Variants in ACTL6A observed in about 807,000 individuals in gnomAD.
The protein encoded by ACTL6A is actin-like protein 6A.
In ACTL6A, 5 loss-of-function variants were observed where a neutral mutation model predicts 59.2. That is an observed-to-expected ratio of 0.08 (90% CI 0.04 to 0.18). The LOEUF (loss-of-function observed/expected upper bound fraction) is 0.18. Among genes scored for constraint, ACTL6A ranks in the 10% least tolerant of loss-of-function variants. The pLI, the probability that ACTL6A is intolerant of heterozygous loss-of-function variation, is 1.00. For missense variants in ACTL6A, 285 were observed against 526.9 expected (o/e 0.54, Z 4.49); for synonymous variants, 154 against 171.8 (o/e 0.90, Z 0.81).
intron 8 of ACTL6A, among the ~76,000 whole-genome samples, chr3:179,577,293 A>G (rs879594722): frequency 2.0e-5 from 3 of 152,182 alleles, no homozygotes; most frequent in Non-Finnish European, 2.9e-5. Context: ...GTAGAGGCCT[A>G]CTAGTATGTC....
rs1461633635 is a variant in ACTL6A, at chr3:179,569,850, A to G, written c.52A>G (p.Ile18Val). 2.5e-5 allele frequency: 41 copies of G among 1,614,060 alleles called. No homozygotes were observed. Among genetic ancestry groups the G allele is most frequent in the Non-Finnish European group, 3.3e-5 (39 of 1,180,026 alleles). Residue 18 changes from isoleucine to valine, a missense_variant, in exon 2 of 14, where the codon ATT (isoleucine) becomes GTT (valine). Coordinates refer to ENST00000429709, the MANE Select transcript of ACTL6A (RefSeq NM_004301.5). ...GDEVGALVFD[I>V]GSYTVRAGYA... Reference sequence around the variant, plus strand: ...TGAAGTTGGAGCCCTTGTTTTTGACATTGGATCCTATACTGTGAGAGCTGG... The same window carrying G: ...TGAAGTTGGAGCCCTTGTTTTTGACGTTGGATCCTATACTGTGAGAGCTGG...
In ACTL6A at chr3:179,588,091, C is replaced by T; in HGVS notation, c.*81C>T. The T allele has an allele frequency of 9.4e-7, 1 of 1,065,236 alleles. No homozygotes were observed. Among genetic ancestry groups the T allele is most frequent in the Non-Finnish European group, 1.3e-6 (1 of 757,344 alleles). The allele number at this position is 1,065,236 out of a possible 1,614,324, so 66.0% of individuals were successfully genotyped here. On this transcript the variant is annotated 3_prime_UTR_variant, in exon 14 of 14. Transcript: ENST00000429709. ...GTATACTCAGGAAAAGAATGACCAT[C>T]TTTTGTAGAATGTTTATACATTTTT...
chr3:179,570,436 T>C lies in ACTL6A; in HGVS notation c.277+195T>C. 3.8e-6 allele frequency: 2 copies of C among 530,018 alleles called. No individual in the cohort carries two copies. The highest frequency in any genetic ancestry group is 5.1e-5 in the South Asian group (2 of 38,992). The allele number at this position is 530,018 out of a possible 1,614,324, so 32.8% of individuals were successfully genotyped here. A position where few individuals can be genotyped will look rare whatever the true frequency, so the allele number is the denominator to read the frequency against. On this transcript the variant is annotated intron_variant, in intron 3 of 13. Transcript: ENST00000429709. This position sits in a 1 kb window ranked among gnomAD's most constrained non-coding sequence, Gnocchi z 4.3. Reference sequence around the variant, plus strand: ...GTTCCTTTTCATTAAAAGCTTACAGTTAGTTGGGGGAAATAGATGTATATA... The same window carrying C: ...GTTCCTTTTCATTAAAAGCTTACAGCTAGTTGGGGGAAATAGATGTATATA...
In ACTL6A at chr3:179,563,000, T is replaced by G. The variant is rs1390963505; in HGVS notation, c.-93T>G. The G allele has an allele frequency of 2.6e-6, 4 of 1,526,116 alleles. No homozygotes were observed. The highest frequency in any genetic ancestry group is 1.8e-6 in the Non-Finnish European group (2 of 1,125,500). 94.5% of individuals were successfully genotyped at this position (1,526,116 alleles called of 1,614,324 possible). A position where few individuals can be genotyped will look rare whatever the true frequency, so the allele number is the denominator to read the frequency against. On this transcript the variant is annotated 5_prime_UTR_variant, in exon 1 of 14. Coordinates refer to ENST00000429709, the MANE Select transcript of ACTL6A (RefSeq NM_004301.5). The stretch of plus-strand genomic sequence containing the variant: ...TGGGTGGCGGTGGAAGTTAAGGGAG[T>G]CAGGGGCTATCGCTCCTCGAGACTC...
At chr3:179,569,629 G>GT (rs1235407466) in intron 1 of ACTL6A, among the ~76,000 whole-genome samples, 195 bp from the exon 2 acceptor site, 1 of 152,150 alleles carries the variant, frequency 6.6e-6, no homozygotes, top group Admixed American at 6.5e-5. Flanking sequence ...GAGCCCTGGA[G>GT]TTTGAGTCCA....
At chr3:179,583,301 A>C (rs1203678720) in intron 11 of ACTL6A, 52 bp from the exon 12 acceptor site, 1 of 1,410,966 alleles carries the variant, frequency 7.1e-7, no homozygotes, top group African/African-American at 1.4e-5. Flanking sequence ...TTGTATTTAA[A>C]ACTTTTGGAA....
chr3:179,587,865 A>AT lies in ACTL6A; in HGVS notation c.1210-65_1210-64insT, dbSNP rs1718556590. On this transcript the variant is annotated intron_variant, in intron 13 of 13. Coordinates refer to ENST00000429709, the MANE Select transcript of ACTL6A (RefSeq NM_004301.5). Reference sequence around the variant, plus strand: ...GCAAGACCTTCTCTCAAAAAAAAAAAATTTTTTAAGCCATTTCTAGTAAGA... The same window carrying AT: ...GCAAGACCTTCTCTCAAAAAAAAAAATATTTTTTAAGCCATTTCTAGTAAGA... 164 of 1,421,920 alleles carry AT rather than the reference A, an allele frequency of 1.2e-4. 1 individual carries two copies. Among genetic ancestry groups the AT allele is most frequent in the South Asian group, 1.4e-4 (11 of 75,880 alleles). The allele number at this position is 1,421,920 out of a possible 1,614,324, so 88.1% of individuals were successfully genotyped here. A position where few individuals can be genotyped will look rare whatever the true frequency, so the allele number is the denominator to read the frequency against.
At chr3:179,578,850 C>T (rs1447636757) in intron 8 of ACTL6A, among the ~76,000 whole-genome samples, 1 of 152,134 alleles carries the variant, frequency 6.6e-6, no homozygotes, top group Non-Finnish European at 1.5e-5. Flanking sequence ...ACTGCAACCT[C>T]CATCTCCTGG....
chr3:179,569,937 C>G (rs760391820), intron 2 of ACTL6A, 37 bp downstream of exon 2: 3 of 1,590,776 alleles, frequency 1.9e-6, no homozygotes, highest in Middle Eastern at 1.7e-4. Flanking sequence ...ATATGTAAAG[C>G]CATTCATGTA....
intron 12 of ACTL6A, among the ~76,000 whole-genome samples, chr3:179,584,970 T>A (rs1718441779): frequency 6.6e-6 from 1 of 152,254 alleles, no homozygotes; most frequent in Non-Finnish European, 1.5e-5. Flanking sequence ...ACATTTCTAT[T>A]ATTAAAAGTG....
At chr3:179,584,797 C>G (rs975680776) in intron 12 of ACTL6A, among the ~76,000 whole-genome samples, 1 of 151,384 alleles carries the variant, frequency 6.6e-6, no homozygotes, top group Non-Finnish European at 1.5e-5. Context: ...GAAAAAAAAA[C>G]AACAACAACA....
chr3:179,583,555 G>T (rs909743137), intron 12 of ACTL6A, 107 bp downstream of exon 12: 17 of 790,802 alleles, frequency 2.1e-5, no homozygotes, highest in African/African-American at 1.0e-4. Context: ...ATGATATTTT[G>T]TGTGTGCCTG....
chr3:179,587,557 A>G (rs1380617433), intron 13 of ACTL6A, among the ~76,000 whole-genome samples: 1 of 152,054 alleles, frequency 6.6e-6, no homozygotes, highest in Non-Finnish European at 1.5e-5. Flanking sequence ...AATTATTCAA[A>G]GTTTAGGAGT....
chr3:179,576,492 A>G lies in ACTL6A; in HGVS notation c.572-128A>G, dbSNP rs960074927. ...TTAAAACTGATGCATGGCTTTATTT[A>G]TGTGTTGAAGGATAGTTCAGTTCAT... On this transcript the variant is annotated intron_variant, in intron 6 of 13. Transcript: ENST00000429709. 8.5e-6 allele frequency: 7 copies of G among 819,834 alleles called. No homozygotes were observed. The African/African-American group carries it at 1.0e-4, about 12-fold the overall frequency. 50.8% of individuals were successfully genotyped at this position (819,834 alleles called of 1,614,324 possible).
chr3:179,574,678 T>G (rs1007505574), intron 5 of ACTL6A: 1 of 447,328 alleles, frequency 2.2e-6, no homozygotes, highest in African/African-American at 2.0e-5. Context: ...AACACTCAAA[T>G]TCTGAGTGTT....
At chr3:179,565,950 C>G (rs191313899) in intron 1 of ACTL6A, among the ~76,000 whole-genome samples, 1 of 151,912 alleles carries the variant, frequency 6.6e-6, no homozygotes, top group Non-Finnish European at 1.5e-5. Context: ...TTGTAGTTTC[C>G]CGGTTGAGAT....
At chr3:179,579,074 G>A (rs1190218458) in intron 8 of ACTL6A, among the ~76,000 whole-genome samples, 1 of 152,154 alleles carries the variant, frequency 6.6e-6, no homozygotes, top group East Asian at 1.9e-4. Context: ...ATAAATAATA[G>A]CCATTCTGAC....
At chr3:179,565,412 A>C (rs1717803454) in intron 1 of ACTL6A, among the ~76,000 whole-genome samples, 1 of 128,982 alleles carries the variant, frequency 7.8e-6, no homozygotes, top group Non-Finnish European at 1.8e-5. Flanking sequence ...CCTAAAAAAA[A>C]CAAAAACAAA....
chr3:179,578,222 A>C (rs1017602279), intron 8 of ACTL6A, among the ~76,000 whole-genome samples: 7 of 152,216 alleles, frequency 4.6e-5, no homozygotes, highest in African/African-American at 1.7e-4. Context: ...GGGGAGGCCG[A>C]GGCGGGTGGA....
Sources: allele counts gnomAD v4.1 joint callset (sites outside exome capture counted in the v4.1 genomes callset), GRCh38; gene constraint gnomAD v4.1.1; non-coding constraint Gnocchi (gnomAD v3.1); transcripts MANE v1.5; gene names NCBI Gene and HGNC (gene_info 2026-07-23, HGNC 2026-07-21).